The following PPM1F variants were observed in gnomAD, a reference collection of about 807,000 sequenced individuals.
PPM1F encodes protein phosphatase, Mg2+/Mn2+ dependent 1F.
PPM1F carries 17 observed loss-of-function variants against 35.5 expected under a neutral mutation model. The observed-to-expected ratio is 0.48, with a 90% CI of 0.33 to 0.72. PPM1F has a LOEUF of 0.72. Among genes scored for constraint, PPM1F ranks in the 30% least tolerant of loss-of-function variants. The pLI is 0.02. For missense variants in PPM1F, 521 were observed against 613.0 expected, an observed-to-expected ratio of 0.85 and a Z score of 1.59; for synonymous variants, 241 against 255.5, an observed-to-expected ratio of 0.94 and a Z score of 0.54.
intron 4 of PPM1F, 85 bp from the exon 5 acceptor site, chr22:21,933,664 A>G: frequency 7.9e-7 from 1 of 1,263,952 alleles, no homozygotes; most frequent in Non-Finnish European, 1.1e-6. Flanking sequence ...GATGGGGTAG[A>G]GTCTGGGAGA....
intron 1 of PPM1F, 36 bp from the exon 2 acceptor site, chr22:21,946,144 G>A (rs1569132406): frequency 9.2e-7 from 1 of 1,083,962 alleles, no homozygotes; most frequent in Non-Finnish European, 1.3e-6. Context: ...GAATCAGGGG[G>A]CCATGGCACC....
Position 21,925,652 on chromosome 22 carries a change from G to A in PPM1F, c.902C>T (p.Ala301Val). Residue 301 changes from alanine to valine, a missense_variant, in exon 7 of 8, where the codon GCG (alanine) becomes GTG (valine). Transcript: ENST00000263212. ...PHRPERQDEK[A>V]RIEALGGFVS... Reference sequence around the variant, plus strand: ...AAAGCCACCCAATGCTTCAATGCGCGCCTTCTCATCCTGCAGAAACACAGC... The same window carrying A: ...AAAGCCACCCAATGCTTCAATGCGCACCTTCTCATCCTGCAGAAACACAGC... The A allele has an allele frequency of 8.2e-6, 13 of 1,588,092 alleles. No individual in the cohort carries two copies. Among genetic ancestry groups the A allele is most frequent in the South Asian group, 5.6e-5 (5 of 88,874 alleles).
chr22:21,949,149 G>A (rs12152192), intron 1 of PPM1F: 1 of 152,492 alleles, frequency 6.6e-6, no homozygotes, highest in South Asian at 2.1e-4. Context: ...GTGATGATGT[G>A]TGTGTGTGAA....
chr22:21,927,942 G>GTTTTTTT lies in PPM1F; in HGVS notation c.892-2287_892-2281dup, dbSNP rs60216371. Among the ~76,000 whole-genome samples the GTTTTTTT allele has an allele frequency of 1.3e-3, 95 of 75,138 alleles. 3 individuals carry two copies. The highest frequency in any genetic ancestry group is 3.6e-3 in the African/African-American group (66 of 18,152). The allele number at this position is 75,138 out of a possible 152,430, so 49.3% of individuals were successfully genotyped here. A position where few individuals can be genotyped will look rare whatever the true frequency, so the allele number is the denominator to read the frequency against. ...GATTCTTGATTCTGTTTTTTGTTTTGTTTTTTTTTTTTTTTTTTTTTTTTT... is the reference window on the plus strand; with the variant it reads ...GATTCTTGATTCTGTTTTTTGTTTTGTTTTTTTTTTTTTTTTTTTTTTTTTTTTTTTT... On this transcript the variant is annotated intron_variant, in intron 6 of 7. Coordinates refer to ENST00000263212, the MANE Select transcript of PPM1F (RefSeq NM_014634.4).
At chr22:21,948,772 C>G (rs375094229) in intron 1 of PPM1F, 1 of 152,444 alleles carries the variant, frequency 6.6e-6, no homozygotes, top group East Asian at 1.9e-4. Flanking sequence ...AGTGAGAGGA[C>G]AGCATGCTCC....
intron 3 of PPM1F, chr22:21,938,448 C>T (rs1410072693): frequency 2.6e-6 from 3 of 1,141,228 alleles, no homozygotes; most frequent in Non-Finnish European, 2.2e-6. Flanking sequence ...GGGCAGAGGA[C>T]GAGAGCGAGG....
At chr22:21,934,813 A>C (rs1233273051) in intron 3 of PPM1F, 1 of 135,794 alleles carries the variant, frequency 7.4e-6, no homozygotes, top group Non-Finnish European at 1.5e-5. Flanking sequence ...TGAACCTGGG[A>C]GGCGGAGGTT....
chr22:21,936,639 C>T (rs1364811386), intron 3 of PPM1F: 1 of 152,308 alleles, frequency 6.6e-6, no homozygotes, highest in African/African-American at 2.4e-5. Context: ...TTCCTCCCTC[C>T]CTCTCATCGC....
chr22:21,930,038 C>A (rs892519220), intron 6 of PPM1F, among the ~76,000 whole-genome samples: 1 of 152,160 alleles, frequency 6.6e-6, no homozygotes, highest in African/African-American at 2.4e-5. Flanking sequence ...ATACAAGGAA[C>A]CTATAAACTG....
In PPM1F at chr22:21,945,767, A is replaced by T. The variant is rs566470643; in HGVS notation, c.206+76T>A. On this transcript the variant is annotated intron_variant, in intron 2 of 7. Coordinates refer to ENST00000263212, the MANE Select transcript of PPM1F (RefSeq NM_014634.4). ...CCGTGTGGGGCTGGACGTGTAGGGG[A>T]GCAGCAGCCACATCCCTTGTCGGCC... 1.4e-4 allele frequency: 206 copies of T among 1,451,446 alleles called. 2 individuals are homozygous for T. The Middle Eastern group carries it at 1.7e-3, about 12-fold the overall frequency. 89.9% of individuals were successfully genotyped at this position (1,451,446 alleles called of 1,614,324 possible).
Position 21,925,667 on chromosome 22 carries a change from A to G in PPM1F, c.892-5T>C. Reference sequence around the variant, plus strand: ...TTCAATGCGCGCCTTCTCATCCTGCAGAAACACAGCCAGAGTTGGGGGCAG... The same window carrying G: ...TTCAATGCGCGCCTTCTCATCCTGCGGAAACACAGCCAGAGTTGGGGGCAG... On this transcript the variant is annotated splice_polypyrimidine_tract_variant and splice_region_variant and intron_variant, in intron 6 of 7. Transcript: ENST00000263212. 1 of 1,575,322 alleles carries G rather than the reference A, an allele frequency of 6.3e-7. No individual in the cohort carries two copies. The highest frequency in any genetic ancestry group is 8.7e-7 in the Non-Finnish European group (1 of 1,154,382).
intron 2 of PPM1F, chr22:21,944,674 C>A (rs1243535718): frequency 6.6e-6 from 1 of 152,246 alleles, no homozygotes; most frequent in African/African-American, 2.4e-5. Flanking sequence ...AGACAGACAG[C>A]CTAACTCCAA....
In PPM1F at chr22:21,933,528, C is replaced by T. The variant is rs772282135; in HGVS notation, c.610G>A (p.Asp204Asn). The T allele has an allele frequency of 5.6e-6, 9 of 1,613,652 alleles. No homozygotes were observed. Among genetic ancestry groups the T allele is most frequent in the Non-Finnish European group, 7.6e-6 (9 of 1,179,990 alleles). ...FAVFDGHGGVDAARYAAVHVH... is the reference protein window; with the variant it reads ...FAVFDGHGGVNAARYAAVHVH... ...TGGACAGCGGCGTACCTCGCAGCAT[C>T]CACGCCTCCGTGACCATCAAACACA... The change falls in exon 5 of 8, where the codon GAT (aspartate) becomes AAT (asparagine). Residue 204 changes from aspartate to asparagine, a missense_variant. Physicochemically the swap from Asp to Asn is conservative, Grantham distance 23. Coordinates refer to ENST00000263212, the MANE Select transcript of PPM1F (RefSeq NM_014634.4).
At position 21,945,905 on chromosome 22, in the gene PPM1F, C is replaced by G; in HGVS notation, c.144G>C (p.Val48=). 6.2e-7 allele frequency: 1 copy of G among 1,612,884 alleles called. No homozygotes were observed. The highest frequency in any genetic ancestry group is 8.5e-7 in the Non-Finnish European group (1 of 1,179,738). The change falls in exon 2 of 8, where the codon GTG becomes GTC. Residue 48 remains valine, a synonymous_variant. Coordinates refer to ENST00000263212, the MANE Select transcript of PPM1F (RefSeq NM_014634.4). The part of the protein sequence containing the change: ...DPLPWKAPGT[V]LSQEEVEGEL... The stretch of plus-strand genomic sequence containing the variant: ...CGCCCTCCACCTCCTCCTGGCTGAG[C>G]ACCGTCCCTGGGGCCTTCCATGGCA...
intron 5 of PPM1F, among the ~76,000 whole-genome samples, chr22:21,931,696 T>C (rs1601781707): frequency 1.3e-5 from 2 of 152,096 alleles, no homozygotes; most frequent in South Asian, 2.1e-4. Flanking sequence ...GTGTTTTTAG[T>C]AGAGACGGGG....
In PPM1F at chr22:21,939,364, T is replaced by C. The variant is rs991399144; in HGVS notation, c.355+168A>G. On this transcript the variant is annotated intron_variant, in intron 3 of 7. Transcript: ENST00000263212. This position sits in a 1 kb window ranked among gnomAD's most constrained non-coding sequence, Gnocchi z 5.1. ...CTGTGGAGGGCTGTGACCGCCACCC[T>C]CCACCTCACTGGGGCCGCAAGCCTT... The C allele has an allele frequency of 1.1e-6, 1 of 876,944 alleles. No homozygotes were observed. Among genetic ancestry groups the C allele is most frequent in the African/African-American group, 1.7e-5 (1 of 58,984 alleles). 54.3% of individuals were successfully genotyped at this position (876,944 alleles called of 1,614,324 possible).
chr22:21,945,893 C>T lies in PPM1F; in HGVS notation c.156G>A (p.Glu52=), dbSNP rs1430975390. Residue 52 remains glutamate, a synonymous_variant, in exon 2 of 8, where the codon GAG becomes GAA. Transcript: ENST00000263212. The part of the protein sequence containing the change: ...WKAPGTVLSQ[E]EVEGELAELA... Reference sequence around the variant, plus strand: ...GCTCAGCCAGCTCGCCCTCCACCTCCTCCTGGCTGAGCACCGTCCCTGGGG... The same window carrying T: ...GCTCAGCCAGCTCGCCCTCCACCTCTTCCTGGCTGAGCACCGTCCCTGGGG... 1.2e-5 allele frequency: 19 copies of T among 1,612,754 alleles called. No homozygotes were observed. Among genetic ancestry groups the T allele is most frequent in the Non-Finnish European group, 1.6e-5 (19 of 1,179,850 alleles).
chr22:21,950,692 G>A (rs2070827264), intron 1 of PPM1F: 1 of 151,798 alleles, frequency 6.6e-6, no homozygotes, highest in South Asian at 2.1e-4. Context: ...GCGCAATCTT[G>A]GCTCACGGCA....
At chr22:21,925,468 T>C in intron 7 of PPM1F, 101 bp downstream of exon 7, 1 of 955,392 alleles carries the variant, frequency 1.0e-6, no homozygotes, top group Non-Finnish European at 1.6e-6. Context: ...CCTCGGCCCA[T>C]CACACTGCCT....
Sources: allele counts gnomAD v4.1 joint callset (sites outside exome capture counted in the v4.1 genomes callset), GRCh38; gene constraint gnomAD v4.1.1; non-coding constraint Gnocchi (gnomAD v3.1); transcripts MANE v1.5; gene names NCBI Gene and HGNC (gene_info 2026-07-23, HGNC 2026-07-21).